PXMP2: variants seen among roughly 807,000 people sequenced by gnomAD.
PXMP2 encodes the protein peroxisomal membrane protein 2, also known as 22 kDa peroxisomal membrane protein.
Under a neutral mutation model 20.2 loss-of-function variants are expected in PXMP2, and 13 were observed. The observed-to-expected ratio is 0.64, with a 90% CI of 0.42 to 1.02. The LOEUF is 1.02. Among genes scored for constraint, PXMP2 ranks in the 50% least tolerant of loss-of-function variants. The probability of loss-of-function intolerance (pLI) is 0.00; values close to 1 mark genes in which losing one functional copy is unlikely to be tolerated. For synonymous variants in PXMP2, 113 were observed against 111.2 expected, an observed-to-expected ratio of 1.02 and a Z score of -0.10; for missense variants, 284 against 251.8, an observed-to-expected ratio of 1.13 and a Z score of -0.87.
At position 132,687,735 on chromosome 12, in the gene PXMP2, T is replaced by C. The variant is rs1317362449; in HGVS notation, c.65T>C (p.Leu22Pro). 8.2e-6 allele frequency: 10 copies of C among 1,218,406 alleles called. No homozygotes were observed. The highest frequency in any genetic ancestry group is 1.0e-5 in the Non-Finnish European group (10 of 976,624). 75.5% of individuals were successfully genotyped at this position (1,218,406 alleles called of 1,614,324 possible). ...CTCGGGGCGCTGCCGCGGCGGGCGC[T>C]CGCCCAGTACCTGCTCTTCCTGCGG... Reference protein sequence around the residue: ...AGLGALPRRALAQYLLFLRLY... With the variant: ...AGLGALPRRAPAQYLLFLRLY... The change falls in exon 1 of 5, where the codon CTC becomes CCC. Residue 22 changes from leucine to proline, a missense_variant. Coordinates refer to ENST00000317479, the MANE Select transcript of PXMP2 (RefSeq NM_018663.3).
At chr12:132,692,754 A>C (rs1241321071) in intron 2 of PXMP2, among the ~76,000 whole-genome samples, 2 of 109,344 alleles carry the variant, frequency 1.8e-5, no homozygotes, top group Non-Finnish European at 3.8e-5. Context: ...CCAGTTAGTG[A>C]GCTCCCTTAG....
At chr12:132,699,595 A>G (rs1293390957) in intron 3 of PXMP2, among the ~76,000 whole-genome samples, 8 of 144,312 alleles carry the variant, frequency 5.5e-5, no homozygotes, top group Non-Finnish European at 8.9e-5. Context: ...TAGTGGCGCA[A>G]TCTCATCTCA....
intron 3 of PXMP2, among the ~76,000 whole-genome samples, chr12:132,699,772 T>C (rs911896299): frequency 6.6e-6 from 1 of 152,064 alleles, no homozygotes; most frequent in Admixed American, 6.6e-5. Context: ...AGTCCTCTGT[T>C]GGGGGACGTT....
rs949809461 is a variant in PXMP2, at chr12:132,687,619, G to T, written c.-52G>T. On this transcript the variant is annotated 5_prime_UTR_variant, in exon 1 of 5. Coordinates refer to ENST00000317479, the MANE Select transcript of PXMP2 (RefSeq NM_018663.3). ...TCTCGGCGCCTCGGGCTCCGCGCCCGGCCAGCCTGAGGTGGGGTCGGTGCC... is the reference window on the plus strand; with the variant it reads ...TCTCGGCGCCTCGGGCTCCGCGCCCTGCCAGCCTGAGGTGGGGTCGGTGCC... 8.6e-7 allele frequency: 1 copy of T among 1,160,720 alleles called. No individual in the cohort carries two copies. Among genetic ancestry groups the T allele is most frequent in the East Asian group, 3.9e-5 (1 of 25,354 alleles). The allele number at this position is 1,160,720 out of a possible 1,614,324, so 71.9% of individuals were successfully genotyped here. A position where few individuals can be genotyped will look rare whatever the true frequency, so the allele number is the denominator to read the frequency against.
intron 3 of PXMP2, among the ~76,000 whole-genome samples, chr12:132,698,262 G>A (rs1445112107): frequency 2.0e-5 from 3 of 152,050 alleles, no homozygotes; most frequent in South Asian, 2.1e-4. Flanking sequence ...CACCCGCCTC[G>A]GTCTCTCAAA....
rs549705164 is a variant in PXMP2 at position 132,701,417 on chromosome 12, TTTCC to T, written c.519+66_519+69del. On this transcript the variant is annotated intron_variant, in intron 4 of 4. Coordinates refer to ENST00000317479, the MANE Select transcript of PXMP2 (RefSeq NM_018663.3). ...TCTGCTAACATTACTTTGTCAGCCTTTTCCTTCCTTCCTTCCTTCCTCTTTCCTC... is the reference window on the plus strand; with the variant it reads ...TCTGCTAACATTACTTTGTCAGCCTTTTCCTTCCTTCCTTCCTCTTTCCTC... The T allele has an allele frequency of 1.9e-4, 294 of 1,578,316 alleles. 1 individual carries two copies. Among genetic ancestry groups the T allele is most frequent in the Middle Eastern group, 1.0e-3 (5 of 4,982 alleles).
chr12:132,687,931 C>T, intron 1 of PXMP2, 139 bp downstream of exon 1: 1 of 867,680 alleles, frequency 1.2e-6, no homozygotes, highest in Non-Finnish European at 1.4e-6. Context: ...CGCCCTCCGA[C>T]CCGGCGCTGA....
chr12:132,700,323 G>A (rs1009095857), intron 3 of PXMP2, among the ~76,000 whole-genome samples: 1 of 151,780 alleles, frequency 6.6e-6, no homozygotes, highest in East Asian at 1.9e-4. Context: ...CTTAAATTAC[G>A]GTCATGAGCC....
At chr12:132,691,161 C>T (rs1299865359) in intron 2 of PXMP2, among the ~76,000 whole-genome samples, 1 of 151,570 alleles carries the variant, frequency 6.6e-6, no homozygotes, top group East Asian at 1.9e-4. Context: ...ACGCCATTCT[C>T]CCGACTCAGT....
intron 3 of PXMP2, among the ~76,000 whole-genome samples, chr12:132,700,976 G>C (rs910228290): frequency 2.0e-5 from 3 of 152,002 alleles, no homozygotes; most frequent in Admixed American, 2.0e-4. Flanking sequence ...AGCCTTGGGA[G>C]TCACCTCCTC....
intron 2 of PXMP2, among the ~76,000 whole-genome samples, chr12:132,693,843 T>A (rs2043389384): frequency 1.0e-5 from 1 of 97,238 alleles, no homozygotes; most frequent in African/African-American, 3.8e-5. Flanking sequence ...AGTTAGTTAG[T>A]GAGCTCCCTT....
intron 2 of PXMP2, among the ~76,000 whole-genome samples, chr12:132,694,823 TAGCC>T (rs1214305316): frequency 7.0e-6 from 1 of 142,672 alleles, no homozygotes; most frequent in African/African-American, 2.6e-5. Flanking sequence ...TGAGCGCCCT[TAGCC>T]AGTTAGTTAG....
rs1193813898 is a variant in PXMP2, at chr12:132,701,264, A to G, written c.414A>G (p.Ser138=). 1.2e-6 allele frequency: 2 copies of G among 1,613,496 alleles called. No individual in the cohort carries two copies. The highest frequency in any genetic ancestry group is 3.3e-5 in the Admixed American group (2 of 59,872). The change falls in exon 4 of 5, where the codon TCA becomes TCG. Residue 138 remains serine, a synonymous_variant. Transcript: ENST00000317479. The part of the protein sequence containing the change: ...IMNFLEGKDA[S]AFAAKMRGGF... Reference sequence around the variant, plus strand: ...CTCCTTTGCAGGGGAAAGACGCCTCAGCCTTCGCCGCCAAGATGAGGGGGG... The same window carrying G: ...CTCCTTTGCAGGGGAAAGACGCCTCGGCCTTCGCCGCCAAGATGAGGGGGG...
Position 132,694,086 on chromosome 12 carries a change from G to T in PXMP2, c.237-1798G>T, listed in dbSNP as rs867534881. Among the ~76,000 whole-genome samples, 254 of 93,550 alleles carry T rather than the reference G, an allele frequency of 2.7e-3. 1 individual carries two copies. Among genetic ancestry groups the T allele is most frequent in the African/African-American group, 7.5e-3 (179 of 23,730 alleles). The allele number at this position is 93,550 out of a possible 152,430, so 61.4% of individuals were successfully genotyped here. On this transcript the variant is annotated intron_variant, in intron 2 of 4. Transcript: ENST00000317479. ...GCCCTTAGCCAGTTAGATAGTGAGC[G>T]CCCTTAGCCAGTTAGTGAGCGCCCT...
rs1170356185 is a variant in PXMP2, at chr12:132,690,365, T to A, written c.225T>A (p.Tyr75Ter). 6.2e-7 allele frequency: 1 copy of A among 1,612,828 alleles called. No individual in the cohort carries two copies. Among genetic ancestry groups the A allele is most frequent in the African/African-American group, 1.3e-5 (1 of 74,810 alleles). The part of the protein sequence containing the change: ...RSLDVGGPLR[Y>*]AVYGFFFTGP... ...TGGATGTCGGTGGGCCTCTGAGATA[T>A]GCCGTTTACGGGTGAGTGCCATACA... Residue 75 changes from tyrosine to a stop codon, truncating the protein, a stop_gained, in exon 2 of 5, where the codon TAT (tyrosine) becomes TAA (stop). Transcript: ENST00000317479. LOFTEE classifies it high-confidence loss of function.
intron 3 of PXMP2, among the ~76,000 whole-genome samples, chr12:132,698,324 G>A (rs1023167445): frequency 5.9e-5 from 9 of 152,132 alleles, no homozygotes; most frequent in Admixed American, 3.3e-4. Flanking sequence ...CTTCTGTCCT[G>A]AAAGTAAATT....
intron 3 of PXMP2, among the ~76,000 whole-genome samples, chr12:132,698,931 A>G (rs2043424169): frequency 6.6e-6 from 1 of 152,230 alleles, no homozygotes. Flanking sequence ...ACTTTAAACA[A>G]GAAAATATTT....
At chr12:132,698,101 C>T (rs2136065520) in intron 3 of PXMP2, among the ~76,000 whole-genome samples, 1 of 151,752 alleles carries the variant, frequency 6.6e-6, no homozygotes, top group Admixed American at 6.6e-5. Flanking sequence ...ACCTTCGCCT[C>T]TTGGGTTCAA....
intron 4 of PXMP2, among the ~76,000 whole-genome samples, chr12:132,703,729 G>A (rs1411737779): frequency 6.6e-6 from 1 of 152,226 alleles, no homozygotes; most frequent in African/African-American, 2.4e-5. Flanking sequence ...TGGGCAGAGG[G>A]GGCTGGGGCT....
Sources: allele counts gnomAD v4.1 joint callset (sites outside exome capture counted in the v4.1 genomes callset), GRCh38; gene constraint gnomAD v4.1.1; transcripts MANE v1.5; gene names NCBI Gene and HGNC (gene_info 2026-07-23, HGNC 2026-07-21).